Variants in PPFIBP2 observed in about 807,000 individuals in gnomAD.
The protein encoded by PPFIBP2 is liprin-beta-2.
A neutral mutation model predicts 118.3 loss-of-function variants in PPFIBP2; 118 were observed. The ratio of observed to expected loss-of-function variants is 1.00; its 90% confidence interval spans 0.86 to 1.16. The LOEUF is 1.16. Among genes scored for constraint, PPFIBP2 ranks in the 50% most tolerant of loss-of-function variants. The pLI, the probability that PPFIBP2 is intolerant of heterozygous loss-of-function variation, is 0.00. For missense variants in PPFIBP2, 1,195 were observed against 1,073.1 expected (o/e 1.11, Z -1.59); for synonymous variants, 414 against 397.4 (o/e 1.04, Z -0.50).
In PPFIBP2 at chr11:7,616,222, A is replaced by G. The variant is rs1022124545; in HGVS notation, c.619-4713A>G. On this transcript the variant is annotated intron_variant, in intron 6 of 23. Transcript: ENST00000299492. This position sits in a 1 kb window ranked among gnomAD's most constrained non-coding sequence, Gnocchi z 5.2. The stretch of plus-strand genomic sequence containing the variant: ...ACTTGATTCCATGGATGCCTCTGAC[A>G]GATACAAAAAATTTAGGACAATAGT... Among the ~76,000 whole-genome samples, 10 of 152,212 alleles carry G rather than the reference A, an allele frequency of 6.6e-5. No individual in the cohort carries two copies. The highest frequency in any genetic ancestry group is 2.4e-4 in the African/African-American group (10 of 41,456).
chr11:7,559,373 G>A (rs1392468247), intron 2 of PPFIBP2, among the ~76,000 whole-genome samples: 1 of 152,128 alleles, frequency 6.6e-6, no homozygotes, highest in African/African-American at 2.4e-5. Flanking sequence ...TTTTTTACAG[G>A]AGGTAATTGT....
intron 7 of PPFIBP2, among the ~76,000 whole-genome samples, chr11:7,624,638 T>C (rs550903954): frequency 5.9e-5 from 9 of 152,358 alleles, no homozygotes; most frequent in African/African-American, 2.2e-4. Flanking sequence ...GGCTCCACGG[T>C]CGATGCTCAT....
intron 7 of PPFIBP2, among the ~76,000 whole-genome samples, chr11:7,624,080 C>T (rs543918055): frequency 6.6e-6 from 1 of 152,190 alleles, no homozygotes; most frequent in South Asian, 2.1e-4. Flanking sequence ...ATGGTCATCC[C>T]TGTCCCATTT....
intron 5 of PPFIBP2, among the ~76,000 whole-genome samples, chr11:7,607,883 T>C (rs1847587681): frequency 6.6e-6 from 1 of 152,242 alleles, no homozygotes; most frequent in Non-Finnish European, 1.5e-5. Flanking sequence ...TTGAAATATC[T>C]ATTTTGCAAA....
chr11:7,575,385 A>G (rs529807657), intron 3 of PPFIBP2, among the ~76,000 whole-genome samples: 16 of 152,300 alleles, frequency 1.1e-4, no homozygotes, highest in East Asian at 9.6e-4. Flanking sequence ...CCACAGCTCT[A>G]TGTAAGCTGG....
intron 1 of PPFIBP2, among the ~76,000 whole-genome samples, chr11:7,521,267 C>G (rs533298068): frequency 6.6e-6 from 1 of 152,298 alleles, no homozygotes; most frequent in Non-Finnish European, 1.5e-5. Flanking sequence ...TGATCCCTAA[C>G]ATACCTGTAG....
chr11:7,645,422 G>A (rs11607040), intron 17 of PPFIBP2, among the ~76,000 whole-genome samples: 17,419 of 152,222 alleles, frequency 0.11, 1,057 homozygotes, highest in Middle Eastern at 0.19. Flanking sequence ...TGTGAGAAGA[G>A]CATATTTGAG....
At chr11:7,615,612 A>G (rs141258109) in intron 6 of PPFIBP2, among the ~76,000 whole-genome samples, 340 of 152,342 alleles carry the variant, frequency 2.2e-3, no homozygotes, top group Non-Finnish European at 4.2e-3. Flanking sequence ...ATTCTGAAGC[A>G]TTTGAATGTT....
chr11:7,665,624 C>A, the PPFIBP2 span: 2 of 1,447,686 alleles, frequency 1.4e-6, no homozygotes, highest in Non-Finnish European at 1.9e-6. Context: ...GCACACCCAC[C>A]CTCAGCCAGG....
At chr11:7,520,683 C>A (rs1199840082) in intron 1 of PPFIBP2, among the ~76,000 whole-genome samples, 30 of 152,184 alleles carry the variant, frequency 2.0e-4, no homozygotes, top group Non-Finnish European at 1.5e-5. Flanking sequence ...CATTCAGTCC[C>A]CATTTGGTGT....
At chr11:7,518,298 T>G (rs1590085076) in intron 1 of PPFIBP2, among the ~76,000 whole-genome samples, 1 of 152,064 alleles carries the variant, frequency 6.6e-6, no homozygotes, top group Admixed American at 6.6e-5. Flanking sequence ...GTTGGCTGGG[T>G]CTAGGTTGGT....
chr11:7,566,261 A>G (rs1326857916), intron 3 of PPFIBP2, among the ~76,000 whole-genome samples: 1 of 152,224 alleles, frequency 6.6e-6, no homozygotes, highest in Non-Finnish European at 1.5e-5. Context: ...ACTTTTGAAA[A>G]TTAGTTTATT....
rs991899891 is a variant in PPFIBP2, at chr11:7,549,489, C to G, written c.14C>G (p.Ala5Gly). Residue 5 changes from alanine (A) to glycine (G), a missense_variant, in exon 2 of 24, where the codon GCT becomes GGT. Ala to Gly is a moderately conservative substitution (Grantham distance 60). Transcript: ENST00000299492. Reference protein sequence around the residue: MASDASHALEAALEQ... With the variant: MASDGSHALEAALEQ... The stretch of plus-strand genomic sequence containing the variant: ...GCAAAAGGAGTCATGGCTTCTGATG[C>G]TAGTCATGCGCTGGAAGCTGCCCTG... 1.9e-6 allele frequency: 3 copies of G among 1,561,940 alleles called. No homozygotes were observed. The highest frequency in any genetic ancestry group is 2.7e-5 in the African/African-American group (2 of 73,380).
At chr11:7,666,412 G>C in the PPFIBP2 span, 1 of 1,351,202 alleles carries the variant, frequency 7.4e-7, no homozygotes, top group African/African-American at 1.4e-5. Flanking sequence ...TCAAGGGTTG[G>C]TGCTGACCCA....
chr11:7,542,169 G>A (rs534923249), intron 1 of PPFIBP2, among the ~76,000 whole-genome samples: 16 of 152,322 alleles, frequency 1.1e-4, no homozygotes, highest in African/African-American at 1.9e-4. Flanking sequence ...AGGAAAAATG[G>A]TGTGCATCCT....
chr11:7,664,005 C>G, the PPFIBP2 span, among the ~76,000 whole-genome samples: 1 of 151,910 alleles, frequency 6.6e-6, no homozygotes, highest in African/African-American at 2.4e-5. Context: ...CCTGCTTCGG[C>G]TCGCACACGG....
intron 2 of PPFIBP2, 84 bp from the exon 3 acceptor site, chr11:7,565,469 T>G: frequency 7.1e-7 from 1 of 1,413,620 alleles, no homozygotes; most frequent in Non-Finnish European, 9.9e-7. Context: ...CTTTCACCGT[T>G]TCTTCACCAC....
chr11:7,587,432 G>T (rs1858409864), intron 3 of PPFIBP2, among the ~76,000 whole-genome samples: 1 of 152,228 alleles, frequency 6.6e-6, no homozygotes, highest in Non-Finnish European at 1.5e-5. Context: ...TGTTTCCAAA[G>T]GAGTAAATTT....
chr11:7,591,945 G>A (rs1193326706), intron 3 of PPFIBP2, among the ~76,000 whole-genome samples: 1 of 152,170 alleles, frequency 6.6e-6, no homozygotes, highest in East Asian at 1.9e-4. Flanking sequence ...GGAGGGTGGT[G>A]GGAGAGCCCA....
Sources: allele counts gnomAD v4.1 joint callset (sites outside exome capture counted in the v4.1 genomes callset), GRCh38; gene constraint gnomAD v4.1.1; non-coding constraint Gnocchi (gnomAD v3.1); transcripts MANE v1.5; gene names NCBI Gene and HGNC (gene_info 2026-07-23, HGNC 2026-07-21).